The following CLEC20A variants were observed in gnomAD, a reference collection of about 807,000 sequenced individuals.
The protein encoded by CLEC20A is putative C-type lectin domain family 20 member A.
intron 7 of CLEC20A, chr1:178,480,440 C>A (rs1036012276): frequency 2.0e-5 from 3 of 152,200 alleles, no homozygotes; most frequent in Non-Finnish European, 4.4e-5. Context: ...AATGAGTACA[C>A]CCCTTGAGGA....
chr1:178,487,418 C>T (rs1649175734), intron 5 of CLEC20A, among the ~76,000 whole-genome samples: 1 of 152,200 alleles, frequency 6.6e-6, no homozygotes, highest in Non-Finnish European at 1.5e-5. Flanking sequence ...GATCTGGGCT[C>T]CCACACTCTC....
At chr1:178,490,223 C>G in exon 4 of CLEC20A, 1 of 398,810 alleles carries the variant, frequency 2.5e-6, no homozygotes, top group Non-Finnish European at 4.4e-6. Flanking sequence ...GGTCACTGGA[C>G]CAGCTCAGAG....
chr1:178,494,985 C>T (rs932043741), intron 1 of CLEC20A, among the ~76,000 whole-genome samples, 175 bp from the exon 2 acceptor site: 2 of 152,204 alleles, frequency 1.3e-5, no homozygotes, highest in Non-Finnish European at 2.9e-5. Context: ...ACAAGCTGTT[C>T]TCTTGTTCTT....
exon 5 of CLEC20A, chr1:178,488,507 C>G (rs1438844542): frequency 5.0e-6 from 2 of 398,696 alleles, no homozygotes; most frequent in African/African-American, 4.1e-5. Flanking sequence ...GCACCTCTGC[C>G]TGGCCTGGGA....
intron 4 of CLEC20A, 81 bp from the exon 5 acceptor site, chr1:178,488,680 C>T (rs924938538): frequency 1.3e-5 from 5 of 398,114 alleles, no homozygotes; most frequent in South Asian, 2.6e-4. Context: ...CTGATGGCCC[C>T]GCATTTGGTT....
upstream of CLEC20A, among the ~76,000 whole-genome samples, chr1:178,497,783 G>A (rs1191963757): frequency 2.0e-5 from 3 of 152,156 alleles, no homozygotes; most frequent in Non-Finnish European, 4.4e-5. Context: ...TGCAACTTAG[G>A]AGGAAGGCAA....
chr1:178,489,777 A>T (rs1320639224), intron 4 of CLEC20A, among the ~76,000 whole-genome samples: 2 of 152,226 alleles, frequency 1.3e-5, no homozygotes, highest in Non-Finnish European at 2.9e-5. Context: ...TCCAAAGCCC[A>T]GACTCTTAAC....
At chr1:178,480,156 G>T (rs1011012581) in intron 7 of CLEC20A, 1 of 152,120 alleles carries the variant, frequency 6.6e-6, no homozygotes, top group Non-Finnish European at 1.5e-5. Context: ...TTGGTTACAG[G>T]TGTTTCCTTC....
At chr1:178,486,962 G>A (rs1649162194) in intron 5 of CLEC20A, 2 of 396,564 alleles carry the variant, frequency 5.0e-6, no homozygotes, top group Non-Finnish European at 8.9e-6. Context: ...GAGGTGCGGA[G>A]GTCGGGCTCG....
At chr1:178,484,984 C>T (rs1050072491) in intron 5 of CLEC20A, among the ~76,000 whole-genome samples, 3 of 152,118 alleles carry the variant, frequency 2.0e-5, no homozygotes, top group African/African-American at 7.2e-5. Flanking sequence ...CCACCCAAAG[C>T]ATCATAAATT....
intron 1 of CLEC20A, among the ~76,000 whole-genome samples, chr1:178,495,583 A>T (rs1214640424): frequency 1.3e-5 from 2 of 152,208 alleles, no homozygotes; most frequent in African/African-American, 4.8e-5. Flanking sequence ...CTTAGGAGCA[A>T]AGAACGAGCC....
upstream of CLEC20A, among the ~76,000 whole-genome samples, chr1:178,498,051 G>C (rs944970018): frequency 6.6e-5 from 10 of 152,192 alleles, no homozygotes; most frequent in Admixed American, 6.5e-5. Flanking sequence ...ACCACATGAC[G>C]TGAGGGAGAG....
At chr1:178,494,105 A>T (rs938648885) in intron 2 of CLEC20A, among the ~76,000 whole-genome samples, 3 of 152,190 alleles carry the variant, frequency 2.0e-5, no homozygotes, top group Non-Finnish European at 4.4e-5. Context: ...ATTGAAAACC[A>T]ACCCTGGGCC....
At chr1:178,487,542 T>C (rs1047458180) in intron 5 of CLEC20A, among the ~76,000 whole-genome samples, 8 of 152,178 alleles carry the variant, frequency 5.3e-5, no homozygotes, top group East Asian at 1.9e-4. Flanking sequence ...CCAATAGTTA[T>C]AAAGTCACCT....
exon 2 of CLEC20A, chr1:178,494,745 C>T (rs1016299744): frequency 1.8e-5 from 7 of 399,144 alleles, no homozygotes; most frequent in Non-Finnish European, 2.7e-5. Flanking sequence ...TGCTGCTGGG[C>T]GTCGTACCAG....
chr1:178,486,552 G>A, intron 5 of CLEC20A: 1 of 398,754 alleles, frequency 2.5e-6, no homozygotes, highest in Admixed American at 4.4e-5. Context: ...AGCCAAATGA[G>A]TCCGAGATGC....
At chr1:178,486,060 A>G (rs561173198) in intron 5 of CLEC20A, among the ~76,000 whole-genome samples, 1 of 152,328 alleles carries the variant, frequency 6.6e-6, no homozygotes, top group Non-Finnish European at 1.5e-5. Flanking sequence ...ATAAGGCCAC[A>G]CAGTAGGTAC....
At chr1:178,496,852 C>G (rs775875109) in intron 1 of CLEC20A, 48 bp downstream of exon 1, 7 of 398,672 alleles carry the variant, frequency 1.8e-5, no homozygotes, top group African/African-American at 1.4e-4. Flanking sequence ...GCCTCTAGCC[C>G]GGGGGAGCAT....
At chr1:178,482,366 A>C (rs1023147663) in exon 7 of CLEC20A, 1 of 398,516 alleles carries the variant, frequency 2.5e-6, no homozygotes, top group Non-Finnish European at 4.4e-6. Flanking sequence ...TTGAGATGGT[A>C]AAGTCTGCTT....
Sources: allele counts gnomAD v4.1 joint callset (sites outside exome capture counted in the v4.1 genomes callset), GRCh38; gene constraint gnomAD v4.1.1; transcripts MANE v1.5; gene names NCBI Gene and HGNC (gene_info 2026-07-23, HGNC 2026-07-21).